The following FBXO16 variants were observed in gnomAD, a reference collection of about 807,000 sequenced individuals.
FBXO16 encodes F-box only protein 16.
In FBXO16, 31 loss-of-function variants were observed where a neutral mutation model predicts 41.0. The observed-to-expected ratio is 0.76, with a 90% confidence interval of 0.57 to 1.02. FBXO16 has a LOEUF of 1.02. Among genes scored for constraint, FBXO16 ranks in the 50% least tolerant of loss-of-function variants. FBXO16 has a pLI of 0.00. For synonymous variants in FBXO16, 133 were observed against 117.8 expected (o/e 1.13, Z -0.84); for missense variants, 361 against 346.2 (o/e 1.04, Z -0.34).
In FBXO16 at chr8:28,457,044, C is replaced by T. The variant is rs1456524729; in HGVS notation, c.343-114G>A. 4 of 1,132,212 alleles carry T rather than the reference C, an allele frequency of 3.5e-6. No individual in the cohort carries two copies. The African/African-American group carries it at 6.3e-5, about 18-fold the overall frequency. The allele number at this position is 1,132,212 out of a possible 1,614,324, so 70.1% of individuals were successfully genotyped here. A position where few individuals can be genotyped will look rare whatever the true frequency, so the allele number is the denominator to read the frequency against. The stretch of plus-strand genomic sequence containing the variant: ...CTGGACCTGAGAAAACTTTTTTGTC[C>T]TTTGCCTCCAAACCATAGCTTAAAT... On this transcript the variant is annotated intron_variant, in intron 4 of 8. Coordinates refer to ENST00000380254, the MANE Select transcript of FBXO16 (RefSeq NM_172366.4).
At chr8:28,488,562 C>T (rs1162954415) in intron 1 of FBXO16, among the ~76,000 whole-genome samples, 1 of 151,952 alleles carries the variant, frequency 6.6e-6, no homozygotes, top group Non-Finnish European at 1.5e-5. Flanking sequence ...CTCAGCCTCC[C>T]AAAGTGCTGA....
At chr8:28,474,364 G>C (rs1443696845) in intron 2 of FBXO16, among the ~76,000 whole-genome samples, 3 of 77,552 alleles carry the variant, frequency 3.9e-5, no homozygotes, top group African/African-American at 1.3e-4. Flanking sequence ...GAGAGAGAAA[G>C]AAGAAAAGAA....
chr8:28,489,374 C>A (rs1803652568), intron 1 of FBXO16, among the ~76,000 whole-genome samples: 1 of 151,464 alleles, frequency 6.6e-6, no homozygotes, highest in Non-Finnish European at 1.5e-5. Context: ...CCACCACCAC[C>A]ACAATTTGTA....
intron 4 of FBXO16, among the ~76,000 whole-genome samples, chr8:28,461,972 C>T (rs1803141717): frequency 6.6e-6 from 1 of 152,086 alleles, no homozygotes; most frequent in Non-Finnish European, 1.5e-5. Flanking sequence ...CAGAGTCTCA[C>T]TCTGTTGCCC....
chr8:28,473,765 T>C lies in FBXO16; in HGVS notation c.135+7A>G, dbSNP rs757174812. The C allele has an allele frequency of 8.1e-6, 13 of 1,597,564 alleles. No individual in the cohort carries two copies. The highest frequency in any genetic ancestry group is 1.1e-5 in the South Asian group (1 of 88,810). On this transcript the variant is annotated splice_region_variant and intron_variant, in intron 3 of 8. Coordinates refer to ENST00000380254, the MANE Select transcript of FBXO16 (RefSeq NM_172366.4). ...ATAATGCAAAAATAGTATTTTTAAA[T>C]GTTTACCCATTTGCCAAGCAGGGCT...
At chr8:28,487,740 TAATC>T (rs1045123002) in intron 1 of FBXO16, among the ~76,000 whole-genome samples, 3 of 152,226 alleles carry the variant, frequency 2.0e-5, no homozygotes, top group African/African-American at 7.2e-5. Context: ...TGTCCCCACT[TAATC>T]AACAAAATAA....
intron 2 of FBXO16, 90 bp from the exon 3 acceptor site, chr8:28,473,897 T>C: frequency 1.1e-6 from 1 of 948,352 alleles, no homozygotes; most frequent in Non-Finnish European, 1.6e-6. Flanking sequence ...GATCGGTGAA[T>C]AAACATTCAT....
chr8:28,430,190 A>G, intron 7 of FBXO16, among the ~76,000 whole-genome samples: 1 of 152,122 alleles, frequency 6.6e-6, no homozygotes, highest in Non-Finnish European at 1.5e-5. Flanking sequence ...CTCCCACCTC[A>G]GCCTCCCGAG....
intron 4 of FBXO16, among the ~76,000 whole-genome samples, chr8:28,462,604 A>G (rs1396794332): frequency 6.6e-6 from 1 of 152,188 alleles, no homozygotes; most frequent in Non-Finnish European, 1.5e-5. Context: ...AATTTTAAAA[A>G]CTAAAGTTAA....
intron 2 of FBXO16, among the ~76,000 whole-genome samples, chr8:28,477,908 G>A (rs1288545023): frequency 6.6e-6 from 1 of 152,082 alleles, no homozygotes; most frequent in African/African-American, 2.4e-5. Flanking sequence ...AGCTACTTGG[G>A]GGAATGAGAC....
chr8:28,441,228 C>T (rs1366871316), intron 7 of FBXO16, among the ~76,000 whole-genome samples: 2 of 152,100 alleles, frequency 1.3e-5, no homozygotes, highest in Non-Finnish European at 2.9e-5. Flanking sequence ...CTCCCTACTC[C>T]CTCTCCTCCT....
Position 28,489,203 on chromosome 8 carries a change from G to A in FBXO16, c.-17+983C>T, listed in dbSNP as rs571874878. On this transcript the variant is annotated intron_variant, in intron 1 of 8. Coordinates refer to ENST00000380254, the MANE Select transcript of FBXO16 (RefSeq NM_172366.4). ...AACAAAAGCAAAAAATTAGCAGAGCGTGGTGGTGTGTGCCTATAGTCCCAG... is the reference window on the plus strand; with the variant it reads ...AACAAAAGCAAAAAATTAGCAGAGCATGGTGGTGTGTGCCTATAGTCCCAG... 3.2e-4 allele frequency among the ~76,000 whole-genome samples: 49 copies of A among 151,956 alleles called. No homozygotes were observed. In the South Asian group the frequency reaches 8.3e-3, roughly 26 times the overall value.
intron 5 of FBXO16, among the ~76,000 whole-genome samples, chr8:28,456,270 C>T (rs1281906204): frequency 1.3e-5 from 2 of 152,098 alleles, no homozygotes; most frequent in Non-Finnish European, 2.9e-5. Context: ...TAGTTCCTAG[C>T]AAAAACTAAG....
intron 7 of FBXO16, among the ~76,000 whole-genome samples, chr8:28,438,170 G>A (rs1230392479): frequency 6.6e-6 from 1 of 151,990 alleles, no homozygotes; most frequent in Non-Finnish European, 1.5e-5. Flanking sequence ...ACAAAAATTA[G>A]CCAGGCGTGG....
intron 2 of FBXO16, among the ~76,000 whole-genome samples, chr8:28,478,524 A>G (rs11136047): frequency 6.6e-6 from 1 of 152,104 alleles, no homozygotes; most frequent in African/African-American, 2.4e-5. Context: ...ACCAAATCTC[A>G]TATCAAATTG....
Position 28,428,730 on chromosome 8 carries a change from G to T in FBXO16, c.876C>A (p.Pro292=). ...ACTTTTAGGGGAGAGCTGGCACTTA[G>T]GGACATCTAGAAAGGAAAAAGGAAT... ...MSRRNPFPLC[P] is the part of the protein sequence containing the mutation. Residue 292 remains proline, a synonymous_variant, in exon 9 of 9, where the codon CCC becomes CCA. Transcript: ENST00000380254. 1 of 1,548,100 alleles carries T rather than the reference G, an allele frequency of 6.5e-7. No homozygotes were observed. Among genetic ancestry groups the T allele is most frequent in the East Asian group, 2.4e-5 (1 of 41,878 alleles).
rs181940638 is a variant in FBXO16, at chr8:28,481,795, T to C, written c.99+1553A>G. 1.4e-3 allele frequency among the ~76,000 whole-genome samples: 180 copies of C among 126,920 alleles called. No homozygotes were observed. The East Asian group carries it at 0.032, about 23-fold the overall frequency. The allele number at this position is 126,920 out of a possible 152,430, so 83.3% of individuals were successfully genotyped here. ...ACTGCACTCCAGTCTGGTGACACAG[T>C]GAGACTCTGTTTCAGGAAAAAAAAA... On this transcript the variant is annotated intron_variant, in intron 2 of 8. Transcript: ENST00000380254.
chr8:28,460,547 G>A (rs554157459), intron 4 of FBXO16, among the ~76,000 whole-genome samples: 5 of 144,370 alleles, frequency 3.5e-5, no homozygotes, highest in South Asian at 2.2e-4. Context: ...CCTCAGCCCC[G>A]CCAAATAGCT....
intron 1 of FBXO16, among the ~76,000 whole-genome samples, chr8:28,489,525 C>CAA (rs3049787): frequency 1.3e-4 from 17 of 128,228 alleles, no homozygotes; most frequent in African/African-American, 5.2e-4. Flanking sequence ...CCTATCTCTA[C>CAA]AAAAAAAAAA....
Sources: gnomAD v4.1 joint callset for allele counts (sites outside exome capture counted in the v4.1 genomes callset) on GRCh38, gnomAD v4.1.1 for gene constraint, MANE v1.5 for transcripts, NCBI Gene and HGNC (gene_info 2026-07-23, HGNC 2026-07-21) for gene names.